Variants in NTM observed in about 807,000 individuals in gnomAD.
The protein encoded by NTM is neurotrimin.
A neutral mutation model predicts 42.1 loss-of-function variants in NTM; 13 were observed. That is an observed-to-expected ratio of 0.31 (90% confidence interval 0.20 to 0.49). The LOEUF is 0.49. Among genes scored for constraint, NTM ranks in the 20% least tolerant of loss-of-function variants. The pLI is 0.99. For missense variants in NTM, 373 were observed against 452.8 expected (o/e 0.82, Z 1.60); for synonymous variants, 187 against 179.2 (o/e 1.04, Z -0.35).
intron 3 of NTM, among the ~76,000 whole-genome samples, chr11:132,195,006 A>G (rs2079947860): frequency 6.6e-6 from 1 of 151,746 alleles, no homozygotes; most frequent in Admixed American, 6.6e-5. Context: ...TTCTTTTAGT[A>G]GAGATGGGGT....
intron 1 of NTM, among the ~76,000 whole-genome samples, chr11:131,749,995 G>A (rs910323132): frequency 5.9e-5 from 9 of 152,296 alleles, no homozygotes; most frequent in Admixed American, 3.3e-4. Flanking sequence ...GGATGCAGCA[G>A]TTGCTCCGAG....
At chr11:131,886,934 C>G (rs1241244581) in intron 1 of NTM, among the ~76,000 whole-genome samples, 1 of 152,184 alleles carries the variant, frequency 6.6e-6, no homozygotes, top group Admixed American at 6.5e-5. Flanking sequence ...CTCATTTAAT[C>G]CTCATAGTAG....
intron 1 of NTM, among the ~76,000 whole-genome samples, chr11:131,871,631 G>A (rs1043613714): frequency 3.9e-5 from 6 of 152,128 alleles, no homozygotes; most frequent in African/African-American, 1.4e-4. Context: ...TGAATACTTT[G>A]CATTTATGGG....
intron 1 of NTM, among the ~76,000 whole-genome samples, chr11:131,910,423 A>G (rs115582583): frequency 2.0e-5 from 3 of 147,756 alleles, no homozygotes; most frequent in African/African-American, 7.3e-5. Context: ...GGGCTGGTGC[A>G]CAGCCTGGGC....
chr11:132,148,781 A>G (rs778251963), intron 3 of NTM, among the ~76,000 whole-genome samples: 3 of 152,194 alleles, frequency 2.0e-5, no homozygotes, highest in Non-Finnish European at 2.9e-5. Flanking sequence ...ATGGGCTCCA[A>G]GAGAGACGGC....
intron 1 of NTM, among the ~76,000 whole-genome samples, chr11:131,654,315 C>T (rs2066892749): frequency 6.6e-6 from 1 of 152,208 alleles, no homozygotes; most frequent in African/African-American, 2.4e-5. Flanking sequence ...CATCCACCCC[C>T]ACCGCCAAAG....
At chr11:131,651,877 AT>A (rs2066539691) in intron 1 of NTM, among the ~76,000 whole-genome samples, 2 of 150,462 alleles carry the variant, frequency 1.3e-5, no homozygotes, top group Non-Finnish European at 3.0e-5. Flanking sequence ...AAAAAATATC[AT>A]AAAAAGCAAA....
intron 3 of NTM, among the ~76,000 whole-genome samples, chr11:132,182,354 T>C (rs1172342173): frequency 6.6e-6 from 1 of 152,190 alleles, no homozygotes; most frequent in Non-Finnish European, 1.5e-5. Flanking sequence ...GGTTGCATGC[T>C]CCAGTGTCTG....
At chr11:131,669,065 C>T (rs191681270) in intron 1 of NTM, among the ~76,000 whole-genome samples, 287 of 152,214 alleles carry the variant, frequency 1.9e-3, no homozygotes, top group African/African-American at 6.5e-3. Flanking sequence ...AGGAAAGATG[C>T]GGTAGAGTCC....
intron 1 of NTM, among the ~76,000 whole-genome samples, chr11:131,645,524 A>G (rs889063739): frequency 2.0e-5 from 3 of 152,198 alleles, no homozygotes; most frequent in African/African-American, 7.2e-5. Context: ...ACCACAGGAA[A>G]TCTATTCTTT....
chr11:131,773,976 G>A lies in NTM; in HGVS notation c.83-137588G>A, dbSNP rs573684726. On this transcript the variant is annotated intron_variant, in intron 1 of 8. Coordinates refer to ENST00000683400, the MANE Select transcript of NTM (RefSeq NM_001352005.2). The stretch of plus-strand genomic sequence containing the variant: ...AAAGCCCAAATCCAATAGTGTTAAG[G>A]ACCTCCAATTCCTGACATCTTCCGT... The A allele has an allele frequency of 3.0e-5, 29 of 981,922 alleles. No individual in the cohort carries two copies. The South Asian group carries it at 9.4e-4, about 32-fold the overall frequency. 60.8% of individuals were successfully genotyped at this position (981,922 alleles called of 1,614,324 possible).
intron 4 of NTM, 118 bp downstream of exon 4, chr11:132,212,265 G>A (rs2082981476): frequency 5.4e-6 from 4 of 745,312 alleles, no homozygotes; most frequent in Non-Finnish European, 8.9e-6. Context: ...TTGGTGGCTT[G>A]ATGGTAATCT....
chr11:131,788,900 A>G (rs77264946), intron 1 of NTM, among the ~76,000 whole-genome samples: 15,143 of 152,096 alleles, frequency 0.1, 2,524 homozygotes, highest in African/African-American at 0.35. Context: ...GGGAAGGAAG[A>G]TAGGCGCTTA....
At position 131,827,005 on chromosome 11, in the gene NTM, C is replaced by A. The variant is rs192603059; in HGVS notation, c.83-84559C>A. 1.9e-3 allele frequency among the ~76,000 whole-genome samples: 293 copies of A among 152,248 alleles called. 2 individuals are homozygous for A. The highest frequency in any genetic ancestry group is 6.8e-3 in the African/African-American group (283 of 41,544). ...GAGGTGGTAGTGCCCCCAGGGAGTG[C>A]ATTAATTCATTTATTCATGCATGTA... is the stretch of plus-strand genomic sequence containing the variant. On this transcript the variant is annotated intron_variant, in intron 1 of 8. Coordinates refer to ENST00000683400, the MANE Select transcript of NTM (RefSeq NM_001352005.2).
intron 1 of NTM, among the ~76,000 whole-genome samples, chr11:131,423,425 T>G (rs1042809026): frequency 6.6e-6 from 1 of 152,212 alleles, no homozygotes; most frequent in African/African-American, 2.4e-5. Flanking sequence ...CCCCCAAACA[T>G]CTGCATTCTC....
At chr11:131,673,898 G>A (rs1355549021) in intron 1 of NTM, among the ~76,000 whole-genome samples, 3 of 152,204 alleles carry the variant, frequency 2.0e-5, no homozygotes, top group African/African-American at 4.8e-5. Flanking sequence ...CCACTCCCCC[G>A]TCTGTTGGTG....
chr11:131,786,714 G>T (rs2089294876), intron 1 of NTM, among the ~76,000 whole-genome samples: 1 of 152,292 alleles, frequency 6.6e-6, no homozygotes, highest in East Asian at 1.9e-4. Context: ...TTAAAGTCAA[G>T]CTCCAATTGA....
intron 2 of NTM, among the ~76,000 whole-genome samples, chr11:132,054,927 T>G (rs1007253422): frequency 3.3e-5 from 5 of 152,132 alleles, no homozygotes; most frequent in African/African-American, 1.2e-4. Flanking sequence ...TCAGAATGAA[T>G]TATCTGTGGT....
chr11:132,021,620 T>C (rs10894486), intron 2 of NTM, among the ~76,000 whole-genome samples: 61,723 of 152,060 alleles, frequency 0.41, 13,787 homozygotes, highest in East Asian at 0.82. Flanking sequence ...CAGTCACTAA[T>C]GTCTTAGGGA....
Sources: allele counts gnomAD v4.1 joint callset (sites outside exome capture counted in the v4.1 genomes callset), GRCh38; gene constraint gnomAD v4.1.1; transcripts MANE v1.5; gene names NCBI Gene and HGNC (gene_info 2026-07-23, HGNC 2026-07-21).